DNMT3A: variants seen among roughly 807,000 people sequenced by gnomAD.
The protein encoded by DNMT3A is DNA (cytosine-5)-methyltransferase 3A.
DNMT3A carries 267 observed loss-of-function variants against 117.6 expected under a neutral mutation model. The observed-to-expected ratio is 2.27, with a 90% confidence interval of 2.05 to 2.51. The LOEUF (loss-of-function observed/expected upper bound fraction) is 2.51, where lower values mean the gene tolerates loss of function less well. Ranked by LOEUF, DNMT3A falls within the 30% of genes most tolerant of loss-of-function variation. The pLI is 0.00. For missense variants in DNMT3A, 1,029 were observed against 1,260.2 expected (o/e 0.82, Z 2.78); for synonymous variants, 432 against 474.8 (o/e 0.91, Z 1.17).
At chr2:25,313,871 C>T in intron 2 of DNMT3A, 42 bp downstream of exon 2, 4 of 1,548,818 alleles carry the variant, frequency 2.6e-6, no homozygotes, top group Non-Finnish European at 3.5e-6. Flanking sequence ...AGGGCTCTCC[C>T]TCTCCCAGGC....
In DNMT3A at chr2:25,252,246, C is replaced by T. The variant is rs768649756; in HGVS notation, c.640-3994G>A. Reference sequence around the variant, plus strand: ...AGTCGCGCTCAGGTGTGAGCCGCGGCCCTGAAGCTCTGGAAGTAGCTGCCC... The same window carrying T: ...AGTCGCGCTCAGGTGTGAGCCGCGGTCCTGAAGCTCTGGAAGTAGCTGCCC... On this transcript the variant is annotated intron_variant, in intron 6 of 22. Transcript: ENST00000321117. This position sits in a 1 kb window ranked among gnomAD's most constrained non-coding sequence, Gnocchi z 5.5. 4.6e-5 allele frequency: 69 copies of T among 1,510,960 alleles called. No individual in the cohort carries two copies. In the East Asian group the frequency reaches 1.8e-3, roughly 38 times the overall value. 93.6% of individuals were successfully genotyped at this position (1,510,960 alleles called of 1,614,324 possible). A position where few individuals can be genotyped will look rare whatever the true frequency, so the allele number is the denominator to read the frequency against.
chr2:25,293,347 C>T lies in DNMT3A; in HGVS notation c.177+6792G>A, dbSNP rs1459267322. Among the ~76,000 whole-genome samples, 1 of 152,190 alleles carries T rather than the reference C, an allele frequency of 6.6e-6. No homozygotes were observed. Among genetic ancestry groups the T allele is most frequent in the Non-Finnish European group, 1.5e-5 (1 of 68,042 alleles). On this transcript the variant is annotated intron_variant, in intron 3 of 22. Coordinates refer to ENST00000321117, the MANE Select transcript of DNMT3A (RefSeq NM_022552.5). This position sits in a 1 kb window ranked among gnomAD's most constrained non-coding sequence, Gnocchi z 4.7. ...GGGATGAACGCCATGCTCATGGGTG[C>T]CAGAGCCAATTTCTCAAACACGACT... is the stretch of plus-strand genomic sequence containing the variant.
chr2:25,255,989 G>A (rs976576422), intron 6 of DNMT3A, among the ~76,000 whole-genome samples: 3 of 152,170 alleles, frequency 2.0e-5, no homozygotes. Flanking sequence ...GATGAGGGTA[G>A]ATGATGTTGC....
In DNMT3A at chr2:25,248,040, G is replaced by A. The variant is rs770004816; in HGVS notation, c.852C>T (p.Tyr284=). ...ATKAGDDEPE[Y]EDGRGFGIGE... is the part of the protein sequence containing the mutation. ...GGCTGGTGAAGAAGCCGCTCACCTC[G>A]TACTCTGGCTCGTCATCGCCTGCTT... The change falls in exon 7 of 23, where the codon TAC becomes TAT. Residue 284 remains tyrosine, a synonymous_variant. Coordinates refer to ENST00000321117, the MANE Select transcript of DNMT3A (RefSeq NM_022552.5). 1.2e-5 allele frequency: 19 copies of A among 1,611,782 alleles called. No individual in the cohort carries two copies. Among genetic ancestry groups the A allele is most frequent in the South Asian group, 1.1e-4 (10 of 90,950 alleles).
rs1485351398 is a variant in DNMT3A, at chr2:25,305,352, G to C, written c.73-5109C>G. 1.3e-5 allele frequency among the ~76,000 whole-genome samples: 2 copies of C among 152,178 alleles called. No individual in the cohort carries two copies. The highest frequency in any genetic ancestry group is 3.8e-4 in the East Asian group (2 of 5,200). Reference sequence around the variant, plus strand: ...CTCTAAACATCTGAGGCTACGATCTGACCTACATTTCAACACTGCTCACTG... The same window carrying C: ...CTCTAAACATCTGAGGCTACGATCTCACCTACATTTCAACACTGCTCACTG... On this transcript the variant is annotated intron_variant, in intron 2 of 22. Transcript: ENST00000321117. The surrounding 1 kb of genome is among the most constrained non-coding windows in gnomAD (Gnocchi z 4.1).
chr2:25,308,398 C>T (rs1310784684), intron 2 of DNMT3A, among the ~76,000 whole-genome samples: 2 of 152,090 alleles, frequency 1.3e-5, no homozygotes, highest in African/African-American at 4.8e-5. Context: ...CCAAACAACC[C>T]CCATCCAAGA....
chr2:25,308,520 T>G (rs1212417177), intron 2 of DNMT3A, among the ~76,000 whole-genome samples: 2 of 152,176 alleles, frequency 1.3e-5, no homozygotes, highest in African/African-American at 4.8e-5. Flanking sequence ...GGATGGGCAC[T>G]GTTTACATCA....
In DNMT3A at chr2:25,327,211, A is replaced by G. The variant is rs1307421549; in HGVS notation, c.-177-13050T>C. 1.3e-5 allele frequency among the ~76,000 whole-genome samples: 2 copies of G among 152,048 alleles called. No individual in the cohort carries two copies. Among genetic ancestry groups the G allele is most frequent in the Non-Finnish European group, 2.9e-5 (2 of 68,008 alleles). On this transcript the variant is annotated intron_variant, in intron 1 of 22. Coordinates refer to ENST00000321117, the MANE Select transcript of DNMT3A (RefSeq NM_022552.5). This position sits in a 1 kb window ranked among gnomAD's most constrained non-coding sequence, Gnocchi z 4.1. The stretch of plus-strand genomic sequence containing the variant: ...TACTAGCCAATTCCTCATTATTCCA[A>G]TCCAATTAGAGTTAATAATTCGTTA...
At chr2:25,323,637 C>G (rs2034681920) in intron 1 of DNMT3A, among the ~76,000 whole-genome samples, 1 of 152,200 alleles carries the variant, frequency 6.6e-6, no homozygotes. Flanking sequence ...AGAGAAAGTA[C>G]TCAATAAATC....
At position 25,265,663 on chromosome 2, in the gene DNMT3A, C is replaced by CA. The variant is rs529479198; in HGVS notation, c.639+9277dup. Among the ~76,000 whole-genome samples the CA allele has an allele frequency of 5.9e-3, 904 of 152,010 alleles. 9 individuals are homozygous for CA. Among genetic ancestry groups the CA allele is most frequent in the African/African-American group, 0.019 (799 of 41,444 alleles). On this transcript the variant is annotated intron_variant, in intron 6 of 22. Transcript: ENST00000321117. Reference sequence around the variant, plus strand: ...TGAAACCCCATCTCTCCTAAAAATACAAAAAATTAGCCGGGTGTGGTGGCA... The same window carrying CA: ...TGAAACCCCATCTCTCCTAAAAATACAAAAAAATTAGCCGGGTGTGGTGGCA...
At position 25,247,705 on chromosome 2, in the gene DNMT3A, C is replaced by CA. The variant is rs1160582275; in HGVS notation, c.899dup (p.Arg301AlafsTer23). ...GGCCTGGCCACCAGGAGAAGCCCCG[C>CA]AGTTTCCCCCACACCAGCTCCCCAA... is the stretch of plus-strand genomic sequence containing the variant. On this transcript the variant is annotated frameshift_variant, in exon 8 of 23. Transcript: ENST00000321117. LOFTEE classifies it high-confidence loss of function. This position sits in a 1 kb window ranked among gnomAD's most constrained non-coding sequence, Gnocchi z 5.6. 1 of 1,613,468 alleles carries CA rather than the reference C, an allele frequency of 6.2e-7. No homozygotes were observed. The highest frequency in any genetic ancestry group is 2.2e-5 in the East Asian group (1 of 44,892).
rs1673071207 is a variant in DNMT3A at position 25,234,306 on chromosome 2, C to CA, written c.2711_2712insT (p.Leu905AlafsTer16). On this transcript the variant is annotated frameshift_variant, in exon 23 of 23. Coordinates refer to ENST00000321117, the MANE Select transcript of DNMT3A (RefSeq NM_022552.5). LOFTEE classifies it high-confidence loss of function. The surrounding 1 kb of genome is among the most constrained non-coding windows in gnomAD (Gnocchi z 4.5). ...ACACACACGCAAAATACTCCTTCAG[C>CA]GGAGCGAAGAGGTGGCGGATGACTG... The CA allele has an allele frequency of 6.2e-7, 1 of 1,613,824 alleles. No individual in the cohort carries two copies.
intron 22 of DNMT3A, 127 bp downstream of exon 22, chr2:25,235,580 G>A: frequency 1.4e-6 from 1 of 733,116 alleles, no homozygotes; most frequent in South Asian, 1.7e-5. Flanking sequence ...GGAAATGCTT[G>A]ATAAAACCCA....
Position 25,247,242 on chromosome 2 carries a change from A to G in DNMT3A, c.1015-84T>C, listed in dbSNP as rs1266799238. The G allele has an allele frequency of 4.4e-6, 6 of 1,363,040 alleles. No homozygotes were observed. The highest frequency in any genetic ancestry group is 6.2e-6 in the Non-Finnish European group (6 of 971,006). 84.4% of individuals were successfully genotyped at this position (1,363,040 alleles called of 1,614,324 possible). On this transcript the variant is annotated intron_variant, in intron 8 of 22. Coordinates refer to ENST00000321117, the MANE Select transcript of DNMT3A (RefSeq NM_022552.5). This position sits in a 1 kb window ranked among gnomAD's most constrained non-coding sequence, Gnocchi z 5.6. Reference sequence around the variant, plus strand: ...TGCCTTGCAACTGGCAGGGGCTGGGAGCCTCGAGAGTCAGTCTCAGCCCTG... The same window carrying G: ...TGCCTTGCAACTGGCAGGGGCTGGGGGCCTCGAGAGTCAGTCTCAGCCCTG...
intron 1 of DNMT3A, among the ~76,000 whole-genome samples, chr2:25,318,698 CTTT>C (rs375722790): frequency 2.3e-5 from 3 of 132,236 alleles, no homozygotes; most frequent in East Asian, 2.2e-4. Context: ...TTTTTCTTTT[CTTT>C]TTTTTTTTTT....
At position 25,300,714 on chromosome 2, in the gene DNMT3A, TATATATA is replaced by T. The variant is rs2033422343; in HGVS notation, c.73-478_73-472del. ...ATATTTATATATCTAAATAATATAATATATATATATATATATATATATATATATATAT... is the reference window on the plus strand; with the variant it reads ...ATATTTATATATCTAAATAATATAATTATATATATATATATATATATATAT... On this transcript the variant is annotated intron_variant, in intron 2 of 22. Transcript: ENST00000321117. Among the ~76,000 whole-genome samples the T allele has an allele frequency of 2.0e-3, 8 of 4,024 alleles. No individual in the cohort carries two copies. The South Asian group carries it at 0.023, about 12-fold the overall frequency. The allele number at this position is 4,024 out of a possible 152,430, so 2.6% of individuals were successfully genotyped here. A position where few individuals can be genotyped will look rare whatever the true frequency, so the allele number is the denominator to read the frequency against.
chr2:25,333,848 G>A (rs1456848405), intron 1 of DNMT3A, among the ~76,000 whole-genome samples: 1 of 152,172 alleles, frequency 6.6e-6, no homozygotes, highest in African/African-American at 2.4e-5. Flanking sequence ...TCTTATCCCC[G>A]ATTTACAGAT....
Position 25,235,642 on chromosome 2 carries a change from C to T in DNMT3A, c.2597+65G>A, listed in dbSNP as rs892336371. 7 of 1,301,688 alleles carry T rather than the reference C, an allele frequency of 5.4e-6. No individual in the cohort carries two copies. In the African/African-American group the frequency reaches 1.0e-4, roughly 19 times the overall value. The allele number at this position is 1,301,688 out of a possible 1,614,324, so 80.6% of individuals were successfully genotyped here. A position where few individuals can be genotyped will look rare whatever the true frequency, so the allele number is the denominator to read the frequency against. ...AAGTCAGGTGGGAAAGGCAGAGGAC[C>T]CCCGCAGCAAGCACAGCAATCAGAA... is the stretch of plus-strand genomic sequence containing the variant. On this transcript the variant is annotated intron_variant, in intron 22 of 22. Coordinates refer to ENST00000321117, the MANE Select transcript of DNMT3A (RefSeq NM_022552.5).
chr2:25,230,803 G>GC lies in DNMT3A; in HGVS notation c.*3475_*3476insG, dbSNP rs1672839258. The GC allele has an allele frequency of 7.1e-6, 1 of 141,006 alleles. No homozygotes were observed. The highest frequency in any genetic ancestry group is 2.7e-4 in the South Asian group (1 of 3,648). 8.7% of individuals were successfully genotyped at this position (141,006 alleles called of 1,614,324 possible). A position where few individuals can be genotyped will look rare whatever the true frequency, so the allele number is the denominator to read the frequency against. ...CTCGTCCCTGCAAGGGGGGGGGGGG[G>GC]GGGGCCATGACCCCTGGGGCATCTG... On this transcript the variant is annotated 3_prime_UTR_variant, in exon 23 of 23. Transcript: ENST00000321117.
Sources: gnomAD v4.1 joint callset for allele counts (sites outside exome capture counted in the v4.1 genomes callset) on GRCh38, gnomAD v4.1.1 for gene constraint, Gnocchi (gnomAD v3.1) non-coding constraint, MANE v1.5 for transcripts, NCBI Gene and HGNC (gene_info 2026-07-23, HGNC 2026-07-21) for gene names.